COL22A1: variants seen among roughly 807,000 people sequenced by gnomAD.
The protein encoded by COL22A1 is collagen alpha-1(XXII) chain.
A neutral mutation model predicts 248.9 loss-of-function variants in COL22A1; 221 were observed. The ratio of observed to expected loss-of-function variants is 0.89; its 90% CI spans 0.80 to 0.99. COL22A1 has a LOEUF of 0.99. COL22A1 is among the 50% of genes least tolerant of loss of function. COL22A1 has a pLI of 0.00. For missense variants in COL22A1, 2,240 were observed against 2,179.0 expected (o/e 1.03, Z -0.56); for synonymous variants, 891 against 793.4 (o/e 1.12, Z -2.07).
chr8:138,647,685 G>A (rs1025422207), intron 46 of COL22A1, among the ~76,000 whole-genome samples: 2 of 152,180 alleles, frequency 1.3e-5, no homozygotes, highest in African/African-American at 2.4e-5. Context: ...ACCCAGGTGG[G>A]AGGGTGGGGG....
intron 3 of COL22A1, among the ~76,000 whole-genome samples, chr8:138,861,119 C>T (rs1053505802): frequency 1.3e-5 from 2 of 152,198 alleles, no homozygotes; most frequent in Admixed American, 6.5e-5. Flanking sequence ...TTGCCAACTC[C>T]TCACACTACC....
At position 138,877,733 on chromosome 8, in the gene COL22A1, G is replaced by A. The variant is rs1381111799; in HGVS notation, c.658+17C>T. The stretch of plus-strand genomic sequence containing the variant: ...GTCACTCTTGGGAGGGGCCGCATGG[G>A]GCCCGGGCGCACTCACTTTCACAAA... On this transcript the variant is annotated intron_variant, in intron 3 of 64. Transcript: ENST00000303045. 3 of 1,556,558 alleles carry A rather than the reference G, an allele frequency of 1.9e-6. No individual in the cohort carries two copies. Among genetic ancestry groups the A allele is most frequent in the Admixed American group, 3.6e-5 (2 of 55,004 alleles).
chr8:138,842,108 G>A (rs949161233), intron 4 of COL22A1, among the ~76,000 whole-genome samples: 2 of 152,192 alleles, frequency 1.3e-5, no homozygotes, highest in Non-Finnish European at 2.9e-5. Flanking sequence ...GCTGAATGGT[G>A]GTCTGAGTGC....
chr8:138,756,938 C>A (rs1453591969), intron 18 of COL22A1, among the ~76,000 whole-genome samples: 2 of 152,144 alleles, frequency 1.3e-5, no homozygotes, highest in African/African-American at 2.4e-5. Flanking sequence ...TGCCAGTTTT[C>A]TTCATTGTAC....
chr8:138,830,651 T>A (rs532627750), intron 5 of COL22A1, among the ~76,000 whole-genome samples: 1 of 152,370 alleles, frequency 6.6e-6, no homozygotes, highest in African/African-American at 2.4e-5. Flanking sequence ...TCGGCCGCTT[T>A]GCTCTTTGAT....
chr8:138,777,103 T>C (rs144853842), intron 15 of COL22A1, among the ~76,000 whole-genome samples: 2,167 of 152,342 alleles, frequency 0.014, 26 homozygotes, highest in Middle Eastern at 0.027. Context: ...TGTGTATCTA[T>C]GTGAGCTCCC....
intron 16 of COL22A1, among the ~76,000 whole-genome samples, chr8:138,769,874 C>T (rs1406016420): frequency 6.6e-6 from 1 of 152,208 alleles, no homozygotes; most frequent in Non-Finnish European, 1.5e-5. Context: ...CCCATGTCTG[C>T]AGGGTGGATT....
chr8:138,835,588 C>A (rs79140817), intron 4 of COL22A1, among the ~76,000 whole-genome samples: 1,803 of 152,300 alleles, frequency 0.012, 30 homozygotes, highest in African/African-American at 0.041. Flanking sequence ...CACCCTATCC[C>A]CCTCAGGACC....
At chr8:138,736,169 A>G (rs773859580) in intron 23 of COL22A1, among the ~76,000 whole-genome samples, 1 of 151,672 alleles carries the variant, frequency 6.6e-6, no homozygotes, top group Admixed American at 6.6e-5. Context: ...CTCCTTTTTT[A>G]TGGCGAGAGC....
chr8:138,683,928 A>G (rs1367858091), intron 39 of COL22A1, among the ~76,000 whole-genome samples: 1 of 152,194 alleles, frequency 6.6e-6, no homozygotes, highest in African/African-American at 2.4e-5. Context: ...TACCGATTAT[A>G]TGACAACTAC....
intron 30 of COL22A1, among the ~76,000 whole-genome samples, chr8:138,708,944 A>G (rs1828711866): frequency 6.6e-6 from 1 of 152,208 alleles, no homozygotes; most frequent in Non-Finnish European, 1.5e-5. Context: ...TTTACAAGAA[A>G]AAAATCAAAA....
intron 30 of COL22A1, among the ~76,000 whole-genome samples, chr8:138,712,342 C>T (rs74897681): frequency 0.031 from 4,759 of 152,160 alleles, 90 homozygotes; most frequent in African/African-American, 0.069. Context: ...ATAAAGTTGC[C>T]GTGGAACTAG....
intron 3 of COL22A1, among the ~76,000 whole-genome samples, chr8:138,874,635 T>C (rs1381217578): frequency 6.6e-6 from 1 of 152,132 alleles, no homozygotes; most frequent in Non-Finnish European, 1.5e-5. Flanking sequence ...CTGAGAGGTG[T>C]CTTGCTGTGG....
In COL22A1 at chr8:138,715,495, G is replaced by A. The variant is rs556463236; in HGVS notation, c.2517+187C>T. 1.3e-4 allele frequency among the ~76,000 whole-genome samples: 20 copies of A among 148,246 alleles called. No individual in the cohort carries two copies. In the East Asian group the frequency reaches 4.1e-3, roughly 30 times the overall value. The stretch of plus-strand genomic sequence containing the variant: ...GAGGCACTAGAATGGCTTGAACCCA[G>A]GAGGCAGAGGTTGCAGTGAGACGAG... On this transcript the variant is annotated intron_variant, in intron 30 of 64. Transcript: ENST00000303045.
intron 12 of COL22A1, among the ~76,000 whole-genome samples, chr8:138,783,016 A>C (rs1815165739): frequency 6.6e-6 from 1 of 152,154 alleles, no homozygotes; most frequent in African/African-American, 2.4e-5. Context: ...AGTTGCTTGC[A>C]GTTCTCAGGC....
intron 5 of COL22A1, among the ~76,000 whole-genome samples, chr8:138,831,373 C>A (rs1311098431): frequency 1.3e-5 from 2 of 152,170 alleles, no homozygotes; most frequent in East Asian, 3.9e-4. Context: ...GGTGCCGAGA[C>A]TGTAGCAGAA....
chr8:138,859,390 G>A (rs1822281130), intron 3 of COL22A1, among the ~76,000 whole-genome samples: 1 of 152,218 alleles, frequency 6.6e-6, no homozygotes, highest in Non-Finnish European at 1.5e-5. Flanking sequence ...CTGGGCCTCA[G>A]GTCAGCGGAC....
At chr8:138,695,142 A>C (rs753405681) in intron 32 of COL22A1, among the ~76,000 whole-genome samples, 51 of 152,156 alleles carry the variant, frequency 3.4e-4, no homozygotes, top group Non-Finnish European at 5.4e-4. Context: ...CTGTTACAGC[A>C]GGTCAGTGTA....
At position 138,645,087 on chromosome 8, in the gene COL22A1, C is replaced by T. The variant is rs193015153; in HGVS notation, c.3501+1542G>A. 3.0e-4 allele frequency among the ~76,000 whole-genome samples: 45 copies of T among 152,286 alleles called. No homozygotes were observed. In the Middle Eastern group the frequency reaches 0.01, roughly 35 times the overall value. ...CAAAGCTATCTTCAGTAGGGACTTTCCCCTCTAGAGAGCATGTGCACTTTG... is the reference window on the plus strand; with the variant it reads ...CAAAGCTATCTTCAGTAGGGACTTTTCCCTCTAGAGAGCATGTGCACTTTG... On this transcript the variant is annotated intron_variant, in intron 47 of 64. Transcript: ENST00000303045.
Sources: allele counts gnomAD v4.1 joint callset (sites outside exome capture counted in the v4.1 genomes callset), GRCh38; gene constraint gnomAD v4.1.1; transcripts MANE v1.5; gene names NCBI Gene and HGNC (gene_info 2026-07-23, HGNC 2026-07-21).